The following CSNK1G1 variants were observed in gnomAD, a reference collection of about 807,000 sequenced individuals.
CSNK1G1 encodes the protein casein kinase 1 gamma 1, also known as casein kinase I isoform gamma-1.
CSNK1G1 carries 22 observed loss-of-function variants against 59.6 expected under a neutral mutation model. The ratio of observed to expected loss-of-function variants is 0.37; its 90% CI spans 0.26 to 0.53. CSNK1G1 has a LOEUF of 0.53. Among genes scored for constraint, CSNK1G1 ranks in the 20% least tolerant of loss-of-function variants. CSNK1G1 has a pLI of 0.89. For synonymous variants in CSNK1G1, 179 were observed against 177.1 expected, an observed-to-expected ratio of 1.01 and a Z score of -0.08; for missense variants, 384 against 519.5, an observed-to-expected ratio of 0.74 and a Z score of 2.54.
chr15:64,238,956 A>G (rs1399216756), intron 4 of CSNK1G1, among the ~76,000 whole-genome samples: 1 of 152,204 alleles, frequency 6.6e-6, no homozygotes, highest in African/African-American at 2.4e-5. Context: ...TTTTCCAACA[A>G]GGATATTAAC....
intron 1 of CSNK1G1, among the ~76,000 whole-genome samples, chr15:64,312,166 T>C (rs958448046): frequency 2.0e-5 from 3 of 152,042 alleles, no homozygotes; most frequent in Non-Finnish European, 2.9e-5. Context: ...ATCACGAAAA[T>C]AGCCATACTG....
intron 1 of CSNK1G1, among the ~76,000 whole-genome samples, chr15:64,317,238 G>C (rs777828967): frequency 6.6e-6 from 1 of 152,162 alleles, no homozygotes; most frequent in African/African-American, 2.4e-5. Flanking sequence ...ACAGGTGTGC[G>C]CCACTACGCC....
intron 1 of CSNK1G1, among the ~76,000 whole-genome samples, chr15:64,310,437 T>G (rs74697998): frequency 0.02 from 3,106 of 151,618 alleles, 119 homozygotes; most frequent in African/African-American, 0.071. Flanking sequence ...AAGTTTAGCC[T>G]GGGCACGGTG....
intron 4 of CSNK1G1, among the ~76,000 whole-genome samples, chr15:64,244,077 G>A (rs938475381): frequency 6.6e-6 from 1 of 151,498 alleles, no homozygotes; most frequent in Non-Finnish European, 1.5e-5. Context: ...GCTGAGGCAG[G>A]AGAATTGCTT....
intron 2 of CSNK1G1, among the ~76,000 whole-genome samples, chr15:64,259,892 G>C (rs1892602201): frequency 6.6e-6 from 1 of 152,130 alleles, no homozygotes; most frequent in Admixed American, 6.6e-5. Flanking sequence ...AGTTCTTCCT[G>C]CAATAACGGT....
At chr15:64,303,376 A>G (rs1375763231) in intron 1 of CSNK1G1, among the ~76,000 whole-genome samples, 1 of 149,478 alleles carries the variant, frequency 6.7e-6, no homozygotes, top group Non-Finnish European at 1.5e-5. Flanking sequence ...GCACTTTGGG[A>G]GGCCAAGGTA....
At chr15:64,253,977 T>C (rs773198147) in intron 3 of CSNK1G1, among the ~76,000 whole-genome samples, 5 of 151,850 alleles carry the variant, frequency 3.3e-5, no homozygotes, top group Non-Finnish European at 7.4e-5. Context: ...CCGTCTCTAC[T>C]AAAATACAAA....
chr15:64,187,631 T>C (rs2081915175), intron 10 of CSNK1G1, among the ~76,000 whole-genome samples: 2 of 152,238 alleles, frequency 1.3e-5, no homozygotes, highest in African/African-American at 4.8e-5. Flanking sequence ...GCTACCAAGA[T>C]GCATTTCTAC....
chr15:64,199,237 T>C (rs1290142576), intron 10 of CSNK1G1, among the ~76,000 whole-genome samples: 1 of 93,774 alleles, frequency 1.1e-5, no homozygotes, highest in Non-Finnish European at 2.0e-5. Context: ...GGCAACAGAG[T>C]GAAATCTTTT....
chr15:64,326,549 C>A (rs1283804506), intron 1 of CSNK1G1, among the ~76,000 whole-genome samples: 1 of 151,856 alleles, frequency 6.6e-6, no homozygotes, highest in Non-Finnish European at 1.5e-5. Flanking sequence ...GAGGCCGAAG[C>A]AGGAGAATCG....
intron 1 of CSNK1G1, among the ~76,000 whole-genome samples, chr15:64,306,438 C>T (rs1470830139): frequency 6.6e-6 from 1 of 152,048 alleles, no homozygotes; most frequent in Non-Finnish European, 1.5e-5. Flanking sequence ...ACAATGATAC[C>T]ACTATACACT....
In CSNK1G1 at chr15:64,176,366, G is replaced by A. The variant is rs1201388642; in HGVS notation, c.1214+3982C>T. 6 of 398,144 alleles carry A rather than the reference G, an allele frequency of 1.5e-5. No homozygotes were observed. Among genetic ancestry groups the A allele is most frequent in the Non-Finnish European group, 2.7e-5 (6 of 226,016 alleles). 24.7% of individuals were successfully genotyped at this position (398,144 alleles called of 1,614,324 possible). ...ATTAGTCCACAGAGGTGAAATGGAA[G>A]CGACTCCCTGTGAGCCATGCAAACA... On this transcript the variant is annotated intron_variant, in intron 11 of 11. Transcript: ENST00000303052. This position sits in a 1 kb window ranked among gnomAD's most constrained non-coding sequence, Gnocchi z 5.2.
intron 1 of CSNK1G1, among the ~76,000 whole-genome samples, chr15:64,304,953 G>A (rs1895586220): frequency 6.6e-6 from 1 of 152,094 alleles, no homozygotes; most frequent in Non-Finnish European, 1.5e-5. Context: ...TGGTCCTCAT[G>A]CTTGCTGTTT....
At chr15:64,273,527 C>G (rs2140353217) in intron 2 of CSNK1G1, among the ~76,000 whole-genome samples, 1 of 152,018 alleles carries the variant, frequency 6.6e-6, no homozygotes, top group Non-Finnish European at 1.5e-5. Context: ...GTAATAATTC[C>G]TAAGAGGACT....
chr15:64,228,202 A>C (rs932308560), intron 4 of CSNK1G1, among the ~76,000 whole-genome samples: 1 of 152,142 alleles, frequency 6.6e-6, no homozygotes, highest in African/African-American at 2.4e-5. Flanking sequence ...TGTCAATTCC[A>C]GTCCCTGGTC....
chr15:64,291,360 G>A (rs1234149505), intron 2 of CSNK1G1, among the ~76,000 whole-genome samples: 1 of 152,156 alleles, frequency 6.6e-6, no homozygotes, highest in East Asian at 1.9e-4. Flanking sequence ...GCTGAAGCGG[G>A]CAGATCACTT....
In CSNK1G1 at chr15:64,256,778, T is replaced by A. The variant is rs116545147; in HGVS notation, c.222+2423A>T. ...ATCTAAGAAATCTAAGAAAAAAGAG[T>A]CCACAATGAAGATCCAAACAAAGTA... On this transcript the variant is annotated intron_variant, in intron 3 of 11. Coordinates refer to ENST00000303052, the MANE Select transcript of CSNK1G1 (RefSeq NM_022048.5). Among the ~76,000 whole-genome samples the A allele has an allele frequency of 8.4e-3, 1,280 of 151,844 alleles. 19 individuals carry two copies. The highest frequency in any genetic ancestry group is 0.029 in the African/African-American group (1,202 of 41,388).
intron 1 of CSNK1G1, among the ~76,000 whole-genome samples, chr15:64,336,843 C>T (rs537274672): frequency 1.3e-5 from 2 of 152,258 alleles, no homozygotes; most frequent in South Asian, 2.1e-4. Context: ...AAATCCTTCA[C>T]ATAAACATAT....
In CSNK1G1 at chr15:64,216,500, G is replaced by A; in HGVS notation, c.444+62C>T. The A allele has an allele frequency of 6.7e-7, 1 of 1,501,798 alleles. No homozygotes were observed. Among genetic ancestry groups the A allele is most frequent in the Non-Finnish European group, 9.2e-7 (1 of 1,086,128 alleles). 93.0% of individuals were successfully genotyped at this position (1,501,798 alleles called of 1,614,324 possible). A position where few individuals can be genotyped will look rare whatever the true frequency, so the allele number is the denominator to read the frequency against. On this transcript the variant is annotated intron_variant, in intron 5 of 11. Transcript: ENST00000303052. The surrounding 1 kb of genome is among the most constrained non-coding windows in gnomAD (Gnocchi z 4.6). ...GCTACGGCTAGTAAATCACCAAAAG[G>A]CCCACAAGGATGTGGCTGAGGAACC... is the stretch of plus-strand genomic sequence containing the variant.
Sources: allele counts gnomAD v4.1 joint callset (sites outside exome capture counted in the v4.1 genomes callset), GRCh38; gene constraint gnomAD v4.1.1; non-coding constraint Gnocchi (gnomAD v3.1); transcripts MANE v1.5; gene names NCBI Gene and HGNC (gene_info 2026-07-23, HGNC 2026-07-21).